ODAD1: variants seen among roughly 807,000 people sequenced by gnomAD.
ODAD1 encodes outer dynein arm docking complex subunit 1, also known as outer dynein arm-docking complex subunit 1.
ODAD1 carries 49 observed loss-of-function variants against 67.2 expected under a neutral mutation model. The observed-to-expected ratio is 0.73, with a 90% CI of 0.58 to 0.92. ODAD1 has a LOEUF of 0.92. Among genes scored for constraint, ODAD1 ranks in the 40% least tolerant of loss-of-function variants. The pLI is 0.00. For missense variants in ODAD1, 897 were observed against 953.7 expected (o/e 0.94, Z 0.78); for synonymous variants, 345 against 393.7 (o/e 0.88, Z 1.46).
intron 5 of ODAD1, among the ~76,000 whole-genome samples, chr19:48,314,278 A>G (rs1033192558): frequency 6.6e-6 from 1 of 152,194 alleles, no homozygotes; most frequent in Non-Finnish European, 1.5e-5. Flanking sequence ...CATGGAACAG[A>G]CAGATTCTCC....
At chr19:48,303,871 C>A in intron 9 of ODAD1, 82 bp downstream of exon 9, 1 of 1,578,936 alleles carries the variant, frequency 6.3e-7, no homozygotes, top group Non-Finnish European at 8.6e-7. Flanking sequence ...AGTGTGGTCC[C>A]ACCTGGGGCA....
At chr19:48,298,946 G>GC (rs1159420236) in intron 12 of ODAD1, among the ~76,000 whole-genome samples, 2 of 152,194 alleles carry the variant, frequency 1.3e-5, no homozygotes, top group Non-Finnish European at 2.9e-5. Context: ...CCTACGGTAT[G>GC]CCCCGAGGAG....
chr19:48,297,938 G>T, intron 14 of ODAD1, 62 bp downstream of exon 14: 1 of 1,336,194 alleles, frequency 7.5e-7, no homozygotes, highest in Non-Finnish European at 1.0e-6. Context: ...TCTATCCTGT[G>T]TGTTCCCTCT....
At position 48,320,715 on chromosome 19, in the gene ODAD1, A is replaced by C. The variant is rs565709031; in HGVS notation, c.-24+57T>G. On this transcript the variant is annotated intron_variant, in intron 2 of 15. Coordinates refer to ENST00000674294, the MANE Select transcript of ODAD1 (RefSeq NM_001364171.2). ...AGAGGGGGAAACCCCGGCCTGCTGT[A>C]GTGGGGGTTGGGCAGGGTCGGGGGA... 2.5e-3 allele frequency: 427 copies of C among 173,976 alleles called. 1 individual carries two copies. Among genetic ancestry groups the C allele is most frequent in the Non-Finnish European group, 4.1e-3 (329 of 79,340 alleles). The allele number at this position is 173,976 out of a possible 1,614,324, so 10.8% of individuals were successfully genotyped here. A position where few individuals can be genotyped will look rare whatever the true frequency, so the allele number is the denominator to read the frequency against.
rs1227701231 is a variant in ODAD1 at position 48,298,173 on chromosome 19, C to T, written c.1404+4G>A. ...TCCTGTCCCGGCTCCCTGCCGTCTC[C>T]CACCTGGGCATGTAGGAAGGCCTGC... On this transcript the variant is annotated splice_donor_region_variant and intron_variant, in intron 13 of 15. Coordinates refer to ENST00000674294, the MANE Select transcript of ODAD1 (RefSeq NM_001364171.2). The T allele has an allele frequency of 6.2e-7, 1 of 1,612,578 alleles. No homozygotes were observed. Among genetic ancestry groups the T allele is most frequent in the Non-Finnish European group, 8.5e-7 (1 of 1,179,874 alleles).
intron 5 of ODAD1, among the ~76,000 whole-genome samples, chr19:48,317,681 A>ATTTTTTT (rs534720024): frequency 6.9e-6 from 1 of 144,282 alleles, no homozygotes; most frequent in African/African-American, 2.5e-5. Context: ...AATAGCCCCG[A>ATTTTTTT]TTTTTTTTTT....
chr19:48,303,118 G>A, intron 10 of ODAD1, 23 bp from the exon 11 acceptor site: 5 of 1,566,530 alleles, frequency 3.2e-6, no homozygotes, highest in South Asian at 1.1e-5. Context: ...GGCAAGGCGG[G>A]GCCCAGAGAG....
At chr19:48,316,395 C>A (rs1036384873) in intron 5 of ODAD1, among the ~76,000 whole-genome samples, 23 of 148,608 alleles carry the variant, frequency 1.5e-4, no homozygotes, top group Non-Finnish European at 3.1e-4. Context: ...AAAAAACAAA[C>A]CTGCCTAACT....
At chr19:48,305,595 G>A (rs571941985) in intron 8 of ODAD1, among the ~76,000 whole-genome samples, 12 of 151,944 alleles carry the variant, frequency 7.9e-5, no homozygotes, top group African/African-American at 1.9e-4. Flanking sequence ...TGGTAGAGAT[G>A]GGATTTCACC....
chr19:48,316,112 C>T (rs1968892088), intron 5 of ODAD1, among the ~76,000 whole-genome samples: 2 of 152,238 alleles, frequency 1.3e-5, no homozygotes, highest in African/African-American at 4.8e-5. Flanking sequence ...GGCACGGTGG[C>T]CCACACCTGT....
rs1968526869 is a variant in ODAD1 at position 48,303,559 on chromosome 19, T to C, written c.988+91A>G. On this transcript the variant is annotated intron_variant, in intron 10 of 15. Coordinates refer to ENST00000674294, the MANE Select transcript of ODAD1 (RefSeq NM_001364171.2). ...TGTTCCTCCAGCACAGATGGAGGAG[T>C]TCCCCAGGGCCAGAGCTGAGGCCAG... is the stretch of plus-strand genomic sequence containing the variant. The C allele has an allele frequency of 3.3e-6, 5 of 1,500,518 alleles. No individual in the cohort carries two copies. In the Admixed American group the frequency reaches 5.4e-5, roughly 16 times the overall value. The allele number at this position is 1,500,518 out of a possible 1,614,324, so 93.0% of individuals were successfully genotyped here.
intron 7 of ODAD1, 67 bp from the exon 8 acceptor site, chr19:48,306,390 T>A: frequency 7.3e-7 from 1 of 1,373,680 alleles, no homozygotes; most frequent in Non-Finnish European, 1.0e-6. Context: ...TCTTTCCTTT[T>A]GGCCCCGTGC....
chr19:48,298,281 C>T lies in ODAD1; in HGVS notation c.1300G>A (p.Gly434Arg). The T allele has an allele frequency of 6.2e-7, 1 of 1,614,172 alleles. No homozygotes were observed. The highest frequency in any genetic ancestry group is 8.5e-7 in the Non-Finnish European group (1 of 1,180,024). ...CGGTCTCCCATGCTGGTCTTGACCC[C>T]AAGGAGGTCATCGATCATGCTGCTG... ...CDSSMIDDLLGVKTSMGDRDM... is the reference protein window; with the variant it reads ...CDSSMIDDLLRVKTSMGDRDM... Residue 434 changes from glycine (G) to arginine (R), a missense_variant, in exon 13 of 16, where the codon GGG becomes AGG. Coordinates refer to ENST00000674294, the MANE Select transcript of ODAD1 (RefSeq NM_001364171.2).
intron 8 of ODAD1, among the ~76,000 whole-genome samples, chr19:48,305,490 C>T (rs10409260): frequency 0.022 from 3,329 of 151,964 alleles, 130 homozygotes; most frequent in African/African-American, 0.076. Flanking sequence ...CTGCAACCTC[C>T]GCCCCCAGGG....
At position 48,306,245 on chromosome 19, in the gene ODAD1, G is replaced by A. The variant is rs747885546; in HGVS notation, c.665+11C>T. The stretch of plus-strand genomic sequence containing the variant: ...TGGGTCCCGCCATCCCAGGATACCC[G>A]CAGTCTCTACCTGACGGCGTAGGCA... On this transcript the variant is annotated intron_variant, in intron 8 of 15. Coordinates refer to ENST00000674294, the MANE Select transcript of ODAD1 (RefSeq NM_001364171.2). 11 of 1,551,182 alleles carry A rather than the reference G, an allele frequency of 7.1e-6. No homozygotes were observed. Among genetic ancestry groups the A allele is most frequent in the East Asian group, 2.4e-5 (1 of 40,924 alleles).
rs937329939 is a variant in ODAD1 at position 48,320,824 on chromosome 19, G to A, written c.-63-13C>T. On this transcript the variant is annotated splice_polypyrimidine_tract_variant and intron_variant, in intron 1 of 15. Coordinates refer to ENST00000674294, the MANE Select transcript of ODAD1 (RefSeq NM_001364171.2). Reference sequence around the variant, plus strand: ...TGTGGTCTGGTTACTGGGGAGATAAGGGACCAATGAGGACTGAGGACAGCG... The same window carrying A: ...TGTGGTCTGGTTACTGGGGAGATAAAGGACCAATGAGGACTGAGGACAGCG... 1 of 155,132 alleles carries A rather than the reference G, an allele frequency of 6.4e-6. No homozygotes were observed. The highest frequency in any genetic ancestry group is 6.5e-5 in the Admixed American group (1 of 15,400). The allele number at this position is 155,132 out of a possible 1,614,324, so 9.6% of individuals were successfully genotyped here.
chr19:48,303,011 ACCT>A lies in ODAD1; in HGVS notation c.1070_1071+1del. 1 of 1,613,288 alleles carries A rather than the reference ACCT, an allele frequency of 6.2e-7. No homozygotes were observed. Among genetic ancestry groups the A allele is most frequent in the Non-Finnish European group, 8.5e-7 (1 of 1,179,498 alleles). On this transcript the variant is annotated splice_donor_variant and coding_sequence_variant, in exon 11 of 16. Coordinates refer to ENST00000674294, the MANE Select transcript of ODAD1 (RefSeq NM_001364171.2). LOFTEE classifies it high-confidence loss of function. ...GAGATGGAGAGGGCAGGCCTCACTC[ACCT>A]CCTTGATCTCTTCCTGCACATGCTC...
chr19:48,306,378 A>G, intron 7 of ODAD1, 55 bp from the exon 8 acceptor site: 4 of 1,467,276 alleles, frequency 2.7e-6, no homozygotes, highest in Non-Finnish European at 2.8e-6. Context: ...CATTGCTCGA[A>G]GTCTTTCCTT....
intron 5 of ODAD1, among the ~76,000 whole-genome samples, chr19:48,312,453 C>T (rs556395241): frequency 8.5e-6 from 1 of 117,918 alleles, no homozygotes; most frequent in Non-Finnish European, 1.6e-5. Flanking sequence ...CTTGCTCTGT[C>T]TCCCAGGCTG....
Sources: allele counts gnomAD v4.1 joint callset (sites outside exome capture counted in the v4.1 genomes callset), GRCh38; gene constraint gnomAD v4.1.1; transcripts MANE v1.5; gene names NCBI Gene and HGNC (gene_info 2026-07-23, HGNC 2026-07-21).